PAPPA2: variants seen among roughly 807,000 people sequenced by gnomAD.
PAPPA2 encodes the protein pappalysin-2.
Under a neutral mutation model 176.4 loss-of-function variants are expected in PAPPA2, and 86 were observed. The observed-to-expected ratio is 0.49, with a 90% CI of 0.41 to 0.58. The LOEUF (loss-of-function observed/expected upper bound fraction) is 0.58. Among genes scored for constraint, PAPPA2 ranks in the 20% least tolerant of loss-of-function variants. PAPPA2 has a pLI of 0.00. For synonymous variants in PAPPA2, 809 were observed against 852.2 expected (o/e 0.95, Z 0.88); for missense variants, 2,073 against 2,256.9 (o/e 0.92, Z 1.65).
intron 3 of PAPPA2, among the ~76,000 whole-genome samples, chr1:176,606,619 C>G (rs1654627783): frequency 6.6e-6 from 1 of 152,156 alleles, no homozygotes; most frequent in African/African-American, 2.4e-5. Flanking sequence ...TGTGCGGCAC[C>G]ATGCCTGGCT....
chr1:176,730,592 GT>G (rs1202945895), intron 12 of PAPPA2, among the ~76,000 whole-genome samples: 1 of 135,640 alleles, frequency 7.4e-6, no homozygotes, highest in African/African-American at 3.0e-5. Flanking sequence ...TCTCGTTTTT[GT>G]TTTTTGTTTT....
At chr1:176,463,779 A>G (rs1046513769) in intron 1 of PAPPA2, among the ~76,000 whole-genome samples, 1 of 152,180 alleles carries the variant, frequency 6.6e-6, no homozygotes, top group Non-Finnish European at 1.5e-5. Context: ...AGGCCTGTGC[A>G]GGGAGACCAT....
intron 14 of PAPPA2, among the ~76,000 whole-genome samples, chr1:176,757,691 G>T (rs1403320105): frequency 6.6e-6 from 1 of 152,186 alleles, no homozygotes; most frequent in East Asian, 1.9e-4. Context: ...TTGCTGTGCA[G>T]AAGCTCTTTA....
intron 2 of PAPPA2, among the ~76,000 whole-genome samples, chr1:176,583,715 A>G (rs1351150706): frequency 1.3e-5 from 2 of 152,194 alleles, no homozygotes; most frequent in Non-Finnish European, 2.9e-5. Flanking sequence ...TTGGGATTAC[A>G]GGATTACAGG....
rs148565646 is a variant in PAPPA2 at position 176,699,524 on chromosome 1, C to T, written c.3171C>T (p.Arg1057=). The change falls in exon 8 of 23, where the codon CGC becomes CGT. Residue 1057 remains arginine (R), a synonymous_variant. Coordinates refer to ENST00000367662, the MANE Select transcript of PAPPA2 (RefSeq NM_020318.3). ...GGCCTGTGAGGTACCAGGTTCTCCG[C>T]GATCCCCCATTTGCCAGTGGTTTGC... ...GCRPVRYQVL[R]DPPFASGLPV... is the part of the protein sequence containing the mutation. The T allele has an allele frequency of 2.7e-4, 433 of 1,613,562 alleles. 2 individuals are homozygous for T. The African/African-American group carries it at 4.8e-3, about 18-fold the overall frequency.
intron 1 of PAPPA2, among the ~76,000 whole-genome samples, chr1:176,532,876 C>T (rs1193632900): frequency 6.6e-5 from 10 of 152,200 alleles, no homozygotes; most frequent in East Asian, 3.9e-4. Context: ...ATTCCACACA[C>T]ACCTATTGCC....
intron 21 of PAPPA2, among the ~76,000 whole-genome samples, chr1:176,800,988 AC>A (rs1267343709): frequency 1.3e-5 from 2 of 152,110 alleles, no homozygotes; most frequent in African/African-American, 4.8e-5. Flanking sequence ...TTAAAAGTCA[AC>A]TTTTAAATTG....
At chr1:176,708,725 T>G (rs1308640832) in intron 10 of PAPPA2, among the ~76,000 whole-genome samples, 2 of 151,990 alleles carry the variant, frequency 1.3e-5, no homozygotes, top group Non-Finnish European at 2.9e-5. Flanking sequence ...CACAGAAGGG[T>G]CTTAGAGGAA....
intron 6 of PAPPA2, among the ~76,000 whole-genome samples, chr1:176,694,147 T>C (rs2102811305): frequency 6.6e-6 from 1 of 152,252 alleles, no homozygotes; most frequent in South Asian, 2.1e-4. Context: ...TTGGAACCCT[T>C]ATGTCAGAGA....
Position 176,702,607 on chromosome 1 carries a change from G to C in PAPPA2, c.3237G>C (p.Val1079=), listed in dbSNP as rs1250597014. 1 of 1,614,014 alleles carries C rather than the reference G, an allele frequency of 6.2e-7. No individual in the cohort carries two copies. Among genetic ancestry groups the C allele is most frequent in the Admixed American group, 1.7e-5 (1 of 60,014 alleles). ...GTCACAAACCCTTTGGTTTCCACAG[G>C]GAGGTCACACCTGGACAGATGTATC... ...VTHSHRKFTD[V]EVTPGQMYQY... is the part of the protein sequence containing the mutation. Residue 1079 remains valine, a splice_region_variant and synonymous_variant, in exon 9 of 23, where the codon GTG becomes GTC. Transcript: ENST00000367662.
chr1:176,464,498 A>T (rs754682221), intron 1 of PAPPA2, among the ~76,000 whole-genome samples: 1 of 152,166 alleles, frequency 6.6e-6, no homozygotes, highest in Non-Finnish European at 1.5e-5. Context: ...TGAAATTTGT[A>T]ATATTTCTCA....
At chr1:176,687,861 A>T (rs1659920190) in intron 4 of PAPPA2, among the ~76,000 whole-genome samples, 1 of 152,170 alleles carries the variant, frequency 6.6e-6, no homozygotes, top group African/African-American at 2.4e-5. Flanking sequence ...TAAGTTTGTA[A>T]AGCAAAGGGT....
chr1:176,571,274 C>T (rs1279620393), intron 2 of PAPPA2, among the ~76,000 whole-genome samples: 2 of 152,184 alleles, frequency 1.3e-5, no homozygotes, highest in Non-Finnish European at 1.5e-5. Context: ...ACCTCCACCT[C>T]CTCATCCATT....
chr1:176,773,081 G>A (rs964156353), intron 17 of PAPPA2, among the ~76,000 whole-genome samples: 2 of 152,058 alleles, frequency 1.3e-5, no homozygotes, highest in African/African-American at 4.8e-5. Flanking sequence ...TGGGTTTGAG[G>A]GGCATTTGTG....
At chr1:176,510,506 T>C (rs1442659603) in intron 1 of PAPPA2, among the ~76,000 whole-genome samples, 1 of 152,076 alleles carries the variant, frequency 6.6e-6, no homozygotes, top group East Asian at 1.9e-4. Flanking sequence ...TTATGAGATC[T>C]GAACTACAAG....
chr1:176,657,313 A>T (rs749528204), intron 3 of PAPPA2, among the ~76,000 whole-genome samples: 10 of 151,972 alleles, frequency 6.6e-5, no homozygotes, highest in Non-Finnish European at 1.2e-4. Flanking sequence ...AGAGAGAGGG[A>T]AACATTCACG....
intron 21 of PAPPA2, among the ~76,000 whole-genome samples, chr1:176,801,994 T>C (rs1467349047): frequency 6.6e-6 from 1 of 152,134 alleles, no homozygotes; most frequent in Non-Finnish European, 1.5e-5. Context: ...TCTGCCTAAC[T>C]GCTACCAGGC....
chr1:176,526,859 T>A (rs1412431665), intron 1 of PAPPA2, among the ~76,000 whole-genome samples: 1 of 152,234 alleles, frequency 6.6e-6, no homozygotes, highest in Admixed American at 6.5e-5. Flanking sequence ...TAAATGCTTG[T>A]CCCGCCAGAG....
intron 1 of PAPPA2, among the ~76,000 whole-genome samples, chr1:176,540,111 C>G (rs879897444): frequency 2.0e-5 from 3 of 152,168 alleles, no homozygotes; most frequent in Non-Finnish European, 2.9e-5. Context: ...CAAAATTTCT[C>G]ATGGTTTCAT....
Sources: allele counts gnomAD v4.1 joint callset (sites outside exome capture counted in the v4.1 genomes callset), GRCh38; gene constraint gnomAD v4.1.1; transcripts MANE v1.5; gene names NCBI Gene and HGNC (gene_info 2026-07-23, HGNC 2026-07-21).